Variants in BMERB1 observed in about 807,000 individuals in gnomAD.
BMERB1 encodes bMERB domain containing 1.
Under a neutral mutation model 23.6 loss-of-function variants are expected in BMERB1, and 12 were observed. The ratio of observed to expected loss-of-function variants is 0.51; its 90% CI spans 0.33 to 0.82. BMERB1 has a LOEUF of 0.82. Ranked by LOEUF, BMERB1 falls within the 40% of genes least tolerant of loss-of-function variation. The pLI is 0.03. For synonymous variants in BMERB1, 122 were observed against 96.6 expected, an observed-to-expected ratio of 1.26 and a Z score of -1.54; for missense variants, 247 against 255.4, an observed-to-expected ratio of 0.97 and a Z score of 0.22.
At chr16:15,517,172 C>A (rs1230149052) in intron 2 of BMERB1, among the ~76,000 whole-genome samples, 7 of 152,154 alleles carry the variant, frequency 4.6e-5, no homozygotes, top group Admixed American at 4.6e-4. Flanking sequence ...TAAAATGATA[C>A]GTGAGCATTC....
chr16:15,573,641 G>T (rs1455153980), intron 3 of BMERB1, among the ~76,000 whole-genome samples: 2 of 152,180 alleles, frequency 1.3e-5, no homozygotes, highest in Admixed American at 1.3e-4. Context: ...TACAATAGTG[G>T]TGTTATCTTC....
At chr16:15,480,360 C>T (rs943992817) in intron 1 of BMERB1, among the ~76,000 whole-genome samples, 1 of 151,934 alleles carries the variant, frequency 6.6e-6, no homozygotes, top group Non-Finnish European at 1.5e-5. Context: ...GTGATCCGCC[C>T]GTCTAGGCCT....
At chr16:15,555,134 G>A (rs1321003042) in intron 2 of BMERB1, among the ~76,000 whole-genome samples, 1 of 152,110 alleles carries the variant, frequency 6.6e-6, no homozygotes, top group Non-Finnish European at 1.5e-5. Context: ...GAGTACAGTG[G>A]TGTGATCATG....
chr16:15,515,158 C>G (rs1157645176), intron 1 of BMERB1, 147 bp from the exon 2 acceptor site: 5 of 1,034,478 alleles, frequency 4.8e-6, no homozygotes, highest in South Asian at 1.5e-5. Flanking sequence ...GGTGTGCTCA[C>G]GAATACACAT....
At chr16:15,489,545 G>C (rs1387168541) in intron 1 of BMERB1, among the ~76,000 whole-genome samples, 1 of 152,164 alleles carries the variant, frequency 6.6e-6, no homozygotes, top group Admixed American at 6.5e-5. Flanking sequence ...CATGGCACTC[G>C]CTTGATTGAA....
chr16:15,587,665 C>T lies in BMERB1; in HGVS notation c.*836C>T. 3.1e-6 allele frequency: 1 copy of T among 317,496 alleles called. No homozygotes were observed. Among genetic ancestry groups the T allele is most frequent in the Non-Finnish European group, 6.8e-6 (1 of 147,406 alleles). 19.7% of individuals were successfully genotyped at this position (317,496 alleles called of 1,614,324 possible). On this transcript the variant is annotated 3_prime_UTR_variant, in exon 6 of 6. Coordinates refer to ENST00000300006, the MANE Select transcript of BMERB1 (RefSeq NM_033201.3). ...CCATTCCGGGGCCACCACAGAGATG[C>T]CAGCAGGATGCCACTTTGCCAGCCC...
intron 1 of BMERB1, among the ~76,000 whole-genome samples, chr16:15,494,520 C>T (rs1047512896): frequency 2.0e-5 from 3 of 152,078 alleles, no homozygotes; most frequent in African/African-American, 4.8e-5. Flanking sequence ...ATAACACACA[C>T]GTAATTCAAA....
chr16:15,512,671 G>C (rs2150949777), intron 1 of BMERB1, among the ~76,000 whole-genome samples: 1 of 152,192 alleles, frequency 6.6e-6, no homozygotes, highest in East Asian at 1.9e-4. Flanking sequence ...TTGAGGTCAG[G>C]AGTTCAAGAC....
intron 1 of BMERB1, among the ~76,000 whole-genome samples, chr16:15,474,567 G>C (rs2051259749): frequency 6.6e-6 from 1 of 152,052 alleles, no homozygotes; most frequent in African/African-American, 2.4e-5. Flanking sequence ...TTTTTGTAGA[G>C]ACAGGGTCTC....
chr16:15,444,123 G>GTTTTTTTTTTTTTTGTTTTTTTTGT (rs2050966802), intron 1 of BMERB1, among the ~76,000 whole-genome samples: 1 of 35,622 alleles, frequency 2.8e-5, no homozygotes, highest in Admixed American at 4.9e-4. Context: ...CACCAGCTTT[G>GTTTTTTTTTTTTTTGTTTTTTTTGT]TTTTTTTTTT....
chr16:15,555,805 G>A lies in BMERB1; in HGVS notation c.231-12178G>A, dbSNP rs906702815. 7.9e-5 allele frequency among the ~76,000 whole-genome samples: 12 copies of A among 152,176 alleles called. No individual in the cohort carries two copies. In the East Asian group the frequency reaches 1.2e-3, roughly 15 times the overall value. On this transcript the variant is annotated intron_variant, in intron 2 of 5. Transcript: ENST00000300006. Reference sequence around the variant, plus strand: ...ACACTTATCCTTACCCAGGGATAGCGTTTAAGCTCATGAATCCTACGAAAG... The same window carrying A: ...ACACTTATCCTTACCCAGGGATAGCATTTAAGCTCATGAATCCTACGAAAG...
chr16:15,578,172 T>A (rs185263614), intron 3 of BMERB1, among the ~76,000 whole-genome samples: 384 of 152,008 alleles, frequency 2.5e-3, no homozygotes, highest in Non-Finnish European at 4.8e-3. Flanking sequence ...CACTTCAATC[T>A]CTGCCTCCAT....
In BMERB1 at chr16:15,567,967, T is replaced by G. The variant is rs1323325396; in HGVS notation, c.231-16T>G. On this transcript the variant is annotated splice_polypyrimidine_tract_variant and intron_variant, in intron 2 of 5. Coordinates refer to ENST00000300006, the MANE Select transcript of BMERB1 (RefSeq NM_033201.3). ...TGCTGATGTAACCTGCTGTTGATGG[T>G]GTCCTGTTTCCCCAGGATGGATGAC... 4 of 1,607,988 alleles carry G rather than the reference T, an allele frequency of 2.5e-6. No homozygotes were observed. The South Asian group carries it at 3.3e-5, about 13-fold the overall frequency.
intron 3 of BMERB1, among the ~76,000 whole-genome samples, chr16:15,571,748 T>C (rs117613309): frequency 0.016 from 2,506 of 151,978 alleles, 33 homozygotes; most frequent in Non-Finnish European, 0.028. Context: ...CAATGTAAAT[T>C]AACAGCTTAT....
At chr16:15,491,241 A>G (rs1446080834) in intron 1 of BMERB1, among the ~76,000 whole-genome samples, 2 of 152,186 alleles carry the variant, frequency 1.3e-5, no homozygotes, top group Non-Finnish European at 2.9e-5. Context: ...TGCACACATT[A>G]GTAGGCGTTC....
At chr16:15,477,248 A>G (rs905854248) in intron 1 of BMERB1, among the ~76,000 whole-genome samples, 5 of 152,144 alleles carry the variant, frequency 3.3e-5, no homozygotes, top group Non-Finnish European at 7.4e-5. Flanking sequence ...AATGAGTGCA[A>G]GCAGGGGAAA....
chr16:15,565,403 C>T (rs1439624131), intron 2 of BMERB1, among the ~76,000 whole-genome samples: 1 of 152,224 alleles, frequency 6.6e-6, no homozygotes, highest in Non-Finnish European at 1.5e-5. Flanking sequence ...ACATCCCTTA[C>T]CTGCTTCAGT....
intron 1 of BMERB1, among the ~76,000 whole-genome samples, chr16:15,445,286 T>C (rs927720313): frequency 1.3e-5 from 2 of 152,198 alleles, no homozygotes; most frequent in Non-Finnish European, 2.9e-5. Flanking sequence ...AGACACAGAT[T>C]GGAAATCATT....
intron 2 of BMERB1, among the ~76,000 whole-genome samples, chr16:15,519,359 T>C (rs1186665776): frequency 1.3e-5 from 2 of 152,100 alleles, no homozygotes; most frequent in African/African-American, 4.8e-5. Flanking sequence ...TGAGAATGTG[T>C]CTCACTTCCA....
Sources: allele counts gnomAD v4.1 joint callset (sites outside exome capture counted in the v4.1 genomes callset), GRCh38; gene constraint gnomAD v4.1.1; transcripts MANE v1.5; gene names NCBI Gene and HGNC (gene_info 2026-07-23, HGNC 2026-07-21).